Variants in C2orf76 observed in about 807,000 individuals in gnomAD.
C2orf76 encodes chromosome 2 open reading frame 76.
Under a neutral mutation model 16.9 loss-of-function variants are expected in C2orf76, and 23 were observed. That is an observed-to-expected ratio of 1.36 (90% CI 0.98 to 1.93). The LOEUF (loss-of-function observed/expected upper bound fraction) is 1.93, where lower values mean the gene tolerates loss of function less well. Ranked by LOEUF, C2orf76 falls within the 30% of genes most tolerant of loss-of-function variation. The probability of loss-of-function intolerance (pLI) is 0.00; values close to 1 mark genes in which losing one functional copy is unlikely to be tolerated. For synonymous variants in C2orf76, 48 were observed against 52.3 expected (o/e 0.92, Z 0.35); for missense variants, 152 against 152.6 (o/e 1.00, Z 0.02).
intron 5 of C2orf76, among the ~76,000 whole-genome samples, chr2:119,307,795 C>A (rs1179275019): frequency 6.6e-6 from 1 of 152,160 alleles, no homozygotes; most frequent in Non-Finnish European, 1.5e-5. Flanking sequence ...TTGCTTCTCA[C>A]CTTTACAGAT....
At chr2:119,311,326 G>C (rs1167378459) in intron 5 of C2orf76, 1 of 985,330 alleles carries the variant, frequency 1.0e-6, no homozygotes, top group Admixed American at 6.1e-5. Flanking sequence ...ATAAGAGTAA[G>C]TAGACGTGGT....
Position 119,312,175 on chromosome 2 carries a change from C to T in C2orf76, c.223-472G>A, listed in dbSNP as rs377300688. Among the ~76,000 whole-genome samples the T allele has an allele frequency of 2.6e-5, 4 of 152,230 alleles. No individual in the cohort carries two copies. In the East Asian group the frequency reaches 7.7e-4, roughly 29 times the overall value. ...CATCATCATCATCTTCTGCCATCCTCACCTGGTCAGCGACAGAGCTGAGCT... is the reference window on the plus strand; with the variant it reads ...CATCATCATCATCTTCTGCCATCCTTACCTGGTCAGCGACAGAGCTGAGCT... On this transcript the variant is annotated intron_variant, in intron 4 of 5. Coordinates refer to ENST00000334816, the MANE Select transcript of C2orf76 (RefSeq NM_001322331.2).
chr2:119,366,718 G>A, intron 1 of C2orf76, 72 bp downstream of exon 1: 1 of 514,674 alleles, frequency 1.9e-6, no homozygotes, highest in Non-Finnish European at 3.5e-6. Flanking sequence ...CCCCACAACG[G>A]GCCAGGACTG....
chr2:119,340,071 C>T (rs1477735416), intron 1 of C2orf76, 100 bp from the exon 2 acceptor site: 2 of 1,284,094 alleles, frequency 1.6e-6, no homozygotes, highest in Non-Finnish European at 2.2e-6. Context: ...ACCAGCCCCG[C>T]TCTTCCATGC....
chr2:119,316,003 C>G (rs1299968374), intron 4 of C2orf76, among the ~76,000 whole-genome samples: 1 of 152,124 alleles, frequency 6.6e-6, no homozygotes, highest in Admixed American at 6.6e-5. Context: ...ATATGAAAAG[C>G]CAAATGATGT....
At chr2:119,364,184 C>T (rs746785331) in intron 1 of C2orf76, among the ~76,000 whole-genome samples, 3 of 151,512 alleles carry the variant, frequency 2.0e-5, no homozygotes, top group Non-Finnish European at 4.4e-5. Flanking sequence ...TGAGACCCAC[C>T]GAGTGAAGCC....
intron 2 of C2orf76, among the ~76,000 whole-genome samples, chr2:119,327,425 T>A (rs2104578203): frequency 6.6e-6 from 1 of 150,824 alleles, no homozygotes; most frequent in African/African-American, 2.4e-5. Flanking sequence ...GTTTGGATGT[T>A]TTGTCCCCTC....
intron 2 of C2orf76, among the ~76,000 whole-genome samples, chr2:119,321,763 C>T (rs935853140): frequency 1.3e-5 from 2 of 151,986 alleles, no homozygotes; most frequent in African/African-American, 4.8e-5. Context: ...TGAACTAAGA[C>T]TTCAGTAACA....
intron 5 of C2orf76, among the ~76,000 whole-genome samples, chr2:119,305,277 C>T (rs182170112): frequency 3.9e-5 from 6 of 152,076 alleles, no homozygotes; most frequent in Admixed American, 2.0e-4. Context: ...TTTTATAATG[C>T]TTCCAGACAG....
chr2:119,364,999 G>A (rs572277717), intron 1 of C2orf76, among the ~76,000 whole-genome samples: 3 of 152,158 alleles, frequency 2.0e-5, no homozygotes, highest in Admixed American at 1.3e-4. Context: ...TGGGAGGATC[G>A]CTTGAGGCCT....
chr2:119,307,388 G>A (rs1451480812), intron 5 of C2orf76, among the ~76,000 whole-genome samples: 3 of 151,424 alleles, frequency 2.0e-5, no homozygotes, highest in East Asian at 1.9e-4. Context: ...GCAGTGAGCC[G>A]AGATCGTGCC....
upstream of C2orf76, chr2:119,366,946 C>A: frequency 2.1e-6 from 3 of 1,426,360 alleles, no homozygotes; most frequent in South Asian, 2.4e-5. Context: ...AGGGTTGGGG[C>A]GAGTGGACCG....
At chr2:119,297,883 C>T (rs542537446), downstream of C2orf76, among the ~76,000 whole-genome samples, 16 of 152,258 alleles carry the variant, frequency 1.1e-4, no homozygotes, top group East Asian at 3.1e-3. Flanking sequence ...GAAAAAATAA[C>T]CTAGATGGAA....
At chr2:119,285,405 AT>A in the C2orf76 span, among the ~76,000 whole-genome samples, 1 of 152,204 alleles carries the variant, frequency 6.6e-6, no homozygotes, top group Non-Finnish European at 1.5e-5. Flanking sequence ...GTGCACAGGC[AT>A]CTCTGCGGGC....
intron 2 of C2orf76, among the ~76,000 whole-genome samples, chr2:119,333,455 C>A (rs897882332): frequency 6.6e-6 from 1 of 152,186 alleles, no homozygotes; most frequent in Non-Finnish European, 1.5e-5. Flanking sequence ...GTGGATGGCA[C>A]CTTTAGCCAA....
rs1008867880 is a variant in C2orf76, at chr2:119,339,988, G to A, written c.-12-17C>T. 6.3e-7 allele frequency: 1 copy of A among 1,598,978 alleles called. No homozygotes were observed. Among genetic ancestry groups the A allele is most frequent in the African/African-American group, 1.3e-5 (1 of 74,734 alleles). ...AAGAAATTCCTGTGGCAAGAGACAT[G>A]AGAACCATCTAAATGAAGCCAGCTC... On this transcript the variant is annotated splice_polypyrimidine_tract_variant and intron_variant, in intron 1 of 5. Transcript: ENST00000334816.
intron 4 of C2orf76, among the ~76,000 whole-genome samples, chr2:119,314,460 GTCC>G (rs1679100736): frequency 1.3e-5 from 2 of 152,010 alleles, no homozygotes; most frequent in African/African-American, 4.8e-5. Context: ...TATTTATTGA[GTCC>G]TCCATCTTTT....
chr2:119,283,602 G>A, the C2orf76 span, among the ~76,000 whole-genome samples: 1 of 152,126 alleles, frequency 6.6e-6, no homozygotes, highest in Admixed American at 6.5e-5. Flanking sequence ...AGCCTCTGGA[G>A]TAGCTGAGAT....
intron 2 of C2orf76, among the ~76,000 whole-genome samples, chr2:119,321,426 A>G (rs1558782275): frequency 6.6e-6 from 1 of 152,214 alleles, no homozygotes; most frequent in East Asian, 1.9e-4. Flanking sequence ...TATTAAAAAA[A>G]ATGTTTAATG....
Sources: gnomAD v4.1 joint callset for allele counts (sites outside exome capture counted in the v4.1 genomes callset) on GRCh38, gnomAD v4.1.1 for gene constraint, MANE v1.5 for transcripts, NCBI Gene and HGNC (gene_info 2026-07-23, HGNC 2026-07-21) for gene names.